CSF1R: variants seen among roughly 807,000 people sequenced by gnomAD.
CSF1R encodes the protein macrophage colony-stimulating factor 1 receptor.
A neutral mutation model predicts 110.0 loss-of-function variants in CSF1R; 40 were observed. The observed-to-expected ratio is 0.36, with a 90% CI of 0.28 to 0.47. The LOEUF (loss-of-function observed/expected upper bound fraction) is 0.47, where lower values mean the gene tolerates loss of function less well. CSF1R is among the 20% of genes least tolerant of loss of function. CSF1R has a pLI of 0.99. For missense variants in CSF1R, 1,052 were observed against 1,253.0 expected (o/e 0.84, Z 2.42); for synonymous variants, 523 against 503.4 (o/e 1.04, Z -0.52).
At chr5:150,061,680 G>A in intron 11 of CSF1R, 43 bp downstream of exon 11, 1 of 1,614,178 alleles carries the variant, frequency 6.2e-7, no homozygotes, top group Non-Finnish European at 8.5e-7. Context: ...ACCCCCACAG[G>A]CCCTGTGATA....
chr5:150,106,479 G>T (rs1205031770), intron 1 of CSF1R, among the ~76,000 whole-genome samples: 1 of 152,128 alleles, frequency 6.6e-6, no homozygotes, highest in Non-Finnish European at 1.5e-5. Flanking sequence ...ACCAGAGAGT[G>T]GAGTGGGCCC....
intron 1 of CSF1R, among the ~76,000 whole-genome samples, chr5:150,106,930 A>C (rs1759576811): frequency 6.6e-6 from 1 of 152,130 alleles, no homozygotes; most frequent in Admixed American, 6.5e-5. Context: ...CACAGTTATG[A>C]GAGTGGTTAT....
rs930684468 is a variant in CSF1R, at chr5:150,053,443, G to A, written c.*626C>T. 1 of 235,076 alleles carries A rather than the reference G, an allele frequency of 4.3e-6. No homozygotes were observed. The highest frequency in any genetic ancestry group is 8.4e-6 in the Non-Finnish European group (1 of 118,942). The allele number at this position is 235,076 out of a possible 1,614,324, so 14.6% of individuals were successfully genotyped here. A position where few individuals can be genotyped will look rare whatever the true frequency, so the allele number is the denominator to read the frequency against. ...CCTGCCTTCTAGCCCAGAATGACGG[G>A]ACTGGGCAGAACACCCCCAACTTTT... On this transcript the variant is annotated 3_prime_UTR_variant, in exon 21 of 21. Coordinates refer to ENST00000675795, the MANE Select transcript of CSF1R (RefSeq NM_001288705.3).
chr5:150,077,546 G>T, intron 4 of CSF1R, 111 bp from the exon 5 acceptor site: 1 of 1,208,004 alleles, frequency 8.3e-7, no homozygotes, highest in Non-Finnish European at 1.2e-6. Context: ...CTCTGAGCCT[G>T]TTGCTTCACT....
rs140397698 is a variant in CSF1R, at chr5:150,102,435, A to G, written c.-181+10826T>C. On this transcript the variant is annotated intron_variant, in intron 1 of 21. Transcript: ENST00000286301. ...TATTGGCTATTGGTATTTCTTCTACAGATATCCTTTGTCCGTTTTTTTGTC... is the reference window on the plus strand; with the variant it reads ...TATTGGCTATTGGTATTTCTTCTACGGATATCCTTTGTCCGTTTTTTTGTC... Among the ~76,000 whole-genome samples, 535 of 152,272 alleles carry G rather than the reference A, an allele frequency of 3.5e-3. 2 individuals are homozygous for G. The highest frequency in any genetic ancestry group is 0.012 in the African/African-American group (511 of 41,540).
chr5:150,105,363 A>AAT (rs1299956729), intron 1 of CSF1R, among the ~76,000 whole-genome samples: 201 of 88,166 alleles, frequency 2.3e-3, no homozygotes, highest in Middle Eastern at 6.9e-3. Context: ...AAAAAAAAAA[A>AAT]ATATATATAT....
chr5:150,092,926 G>A (rs1029615804), intron 1 of CSF1R, among the ~76,000 whole-genome samples: 2 of 151,454 alleles, frequency 1.3e-5, no homozygotes, highest in Admixed American at 1.3e-4. Flanking sequence ...CGTGAATGTA[G>A]TCTCTCTCTC....
rs766392345 is a variant in CSF1R at position 150,059,765 on chromosome 5, G to A, written c.2067C>T (p.Pro689=). 27 of 1,613,992 alleles carry A rather than the reference G, an allele frequency of 1.7e-5. No homozygotes were observed. Among genetic ancestry groups the A allele is most frequent in the Admixed American group, 5.0e-5 (3 of 60,006 alleles). ...CGACGCCTCCCTCGGGGTCCTGGCC[G>A]GGGCTCAGGCTGGGTCCCAGCATGG... The part of the protein sequence containing the change: ...AEAMLGPSLS[P]GQDPEGGVDY... Residue 689 remains proline (P), a synonymous_variant, in exon 14 of 21, where the codon CCC becomes CCT. Transcript: ENST00000675795.
In CSF1R at chr5:150,080,112, T is replaced by C. The variant is rs779121430; in HGVS notation, c.532A>G (p.Ser178Gly). 4 of 1,614,066 alleles carry C rather than the reference T, an allele frequency of 2.5e-6. No homozygotes were observed. Among genetic ancestry groups the C allele is most frequent in the Non-Finnish European group, 3.4e-6 (4 of 1,180,056 alleles). ...ACCTTCCTGCCACCCATCAGGGCACTGCATTGATAGTCCTGGCTCTGAATG... is the reference window on the plus strand; with the variant it reads ...ACCTTCCTGCCACCCATCAGGGCACCGCATTGATAGTCCTGGCTCTGAATG... ...KFIQSQDYQCSALMGGRKVMS... is the reference protein window; with the variant it reads ...KFIQSQDYQCGALMGGRKVMS... Residue 178 changes from serine (S) to glycine (G), a missense_variant, in exon 3 of 21, where the codon AGT becomes GGT. By Grantham distance (56) the Ser-to-Gly change is moderately conservative. Transcript: ENST00000675795.
chr5:150,080,651 C>T, intron 2 of CSF1R, 116 bp downstream of exon 2: 1 of 1,336,550 alleles, frequency 7.5e-7, no homozygotes, highest in Non-Finnish European at 1.0e-6. Flanking sequence ...CAGGTCCTTG[C>T]TCATAGCCAG....
intron 18 of CSF1R, 69 bp downstream of exon 18, chr5:150,055,957 T>G (rs1757194312): frequency 1.4e-6 from 2 of 1,428,206 alleles, no homozygotes; most frequent in Non-Finnish European, 9.7e-7. Flanking sequence ...ACCAAACAGC[T>G]TTGTCCACCA....
chr5:150,085,291 A>AAAAAAAAAAAAAAAC (rs1211659122), intron 1 of CSF1R, among the ~76,000 whole-genome samples: 1 of 150,542 alleles, frequency 6.6e-6, no homozygotes, highest in Non-Finnish European at 1.5e-5. Context: ...AAAAAAAAAA[A>AAAAAAAAAAAAAAAC]AACCCAAATA....
At position 150,068,161 on chromosome 5, in the gene CSF1R, C is replaced by T; in HGVS notation, c.1626+54G>A. 4 of 1,393,450 alleles carry T rather than the reference C, an allele frequency of 2.9e-6. 1 individual carries two copies. Among genetic ancestry groups the T allele is most frequent in the South Asian group, 2.4e-5 (2 of 82,914 alleles). The allele number at this position is 1,393,450 out of a possible 1,614,324, so 86.3% of individuals were successfully genotyped here. A position where few individuals can be genotyped will look rare whatever the true frequency, so the allele number is the denominator to read the frequency against. ...GTGAATCCATGCAGCCTGGGGGTACCATCCAAATCTGGCTCACTCAGGCAC... is the reference window on the plus strand; with the variant it reads ...GTGAATCCATGCAGCCTGGGGGTACTATCCAAATCTGGCTCACTCAGGCAC... On this transcript the variant is annotated intron_variant, in intron 10 of 20. Transcript: ENST00000675795.
chr5:150,097,882 T>G (rs1007170956), intron 1 of CSF1R, among the ~76,000 whole-genome samples: 7 of 152,202 alleles, frequency 4.6e-5, no homozygotes, highest in African/African-American at 1.7e-4. Flanking sequence ...CTGCAAGAAG[T>G]TTTGTGTAAA....
rs568911251 is a variant in CSF1R at position 150,110,141 on chromosome 5, C to CT, written c.-181+3119_-181+3120insA. 1.8e-4 allele frequency among the ~76,000 whole-genome samples: 27 copies of CT among 152,298 alleles called. No individual in the cohort carries two copies. In the East Asian group the frequency reaches 2.5e-3, roughly 14 times the overall value. On this transcript the variant is annotated intron_variant, in intron 1 of 21. Transcript: ENST00000286301. ...CCTGACTCATCCTGAGCCACCTGTTCGTATCCACCTTTCCCACCAAACTAC... is the reference window on the plus strand; with the variant it reads ...CCTGACTCATCCTGAGCCACCTGTTCTGTATCCACCTTTCCCACCAAACTAC...
In CSF1R at chr5:150,055,261, T is replaced by C. The variant is rs757007320; in HGVS notation, c.2630A>G (p.Gln877Arg). Reference protein sequence around the residue: ...KLVKDGYQMAQPAFAPKNIYS... With the variant: ...KLVKDGYQMARPAFAPKNIYS... ...CATATTCTTTGGGGCAAATGCAGGCTGGGCCATTTGGTATCCATCCTTCAC... is the reference window on the plus strand; with the variant it reads ...CATATTCTTTGGGGCAAATGCAGGCCGGGCCATTTGGTATCCATCCTTCAC... The change falls in exon 19 of 21, where the codon CAG becomes CGG. Residue 877 changes from glutamine (Q) to arginine (R), a missense_variant. Gln to Arg is a conservative substitution (Grantham distance 43). Around this residue, in one of 5 missense-constraint regions of CSF1R, gnomAD observed 74 missense variants for 187.4 expected, o/e 0.39. Transcript: ENST00000675795. 6.2e-7 allele frequency: 1 copy of C among 1,614,188 alleles called. No individual in the cohort carries two copies. The highest frequency in any genetic ancestry group is 8.5e-7 in the Non-Finnish European group (1 of 1,180,002).
At chr5:150,091,995 G>C (rs1759059234) in intron 1 of CSF1R, among the ~76,000 whole-genome samples, 1 of 151,974 alleles carries the variant, frequency 6.6e-6, no homozygotes, top group Admixed American at 6.6e-5. Context: ...AAATATGATT[G>C]CTTTTTAAAT....
rs771406124 is a variant in CSF1R at position 150,060,869 on chromosome 5, G to T, written c.1962C>A (p.Thr654=). 6 of 1,607,164 alleles carry T rather than the reference G, an allele frequency of 3.7e-6. No homozygotes were observed. In the African/African-American group the frequency reaches 8.0e-5, roughly 21 times the overall value. The stretch of plus-strand genomic sequence containing the variant: ...GAACCCCAAGGCCCTTACCTCCATG[G>T]GTACAGGCTCCCAGAAGGTTGACGA... The part of the protein sequence containing the change: ...ENIVNLLGAC[T]HGGPVLVITE... Residue 654 remains threonine (T), a synonymous_variant, in exon 13 of 21, where the codon ACC becomes ACA. Coordinates refer to ENST00000675795, the MANE Select transcript of CSF1R (RefSeq NM_001288705.3).
At chr5:150,065,648 G>A (rs1301291112) in intron 10 of CSF1R, among the ~76,000 whole-genome samples, 1 of 152,166 alleles carries the variant, frequency 6.6e-6, no homozygotes, top group Non-Finnish European at 1.5e-5. Flanking sequence ...CACTTAGCAC[G>A]GGCATGACCA....
Sources: gnomAD v4.1 joint callset for allele counts (sites outside exome capture counted in the v4.1 genomes callset) on GRCh38, gnomAD v4.1.1 for gene constraint, gnomAD v4.1.1 regional missense constraint, MANE v1.5 for transcripts, NCBI Gene and HGNC (gene_info 2026-07-23, HGNC 2026-07-21) for gene names.